Variants in DPH7 observed in about 807,000 individuals in gnomAD.
The protein encoded by DPH7 is diphthine methyltransferase.
A neutral mutation model predicts 41.7 loss-of-function variants in DPH7; 44 were observed. The observed-to-expected ratio is 1.05, with a 90% CI of 0.83 to 1.36. The LOEUF (loss-of-function observed/expected upper bound fraction) is 1.36, where lower values mean the gene tolerates loss of function less well. Among genes scored for constraint, DPH7 ranks in the 40% most tolerant of loss-of-function variants. The pLI is 0.00. For synonymous variants in DPH7, 275 were observed against 238.0 expected, an observed-to-expected ratio of 1.16 and a Z score of -1.43; for missense variants, 629 against 577.5, an observed-to-expected ratio of 1.09 and a Z score of -0.91.
chr9:137,564,683 G>A, intron 7 of DPH7, 77 bp from the exon 8 acceptor site: 2 of 1,553,812 alleles, frequency 1.3e-6, no homozygotes, highest in East Asian at 4.5e-5. Flanking sequence ...GGGGGGCACA[G>A]AACGTCTCCC....
Position 137,577,242 on chromosome 9 carries a change from G to A in DPH7, c.287+228C>T, listed in dbSNP as rs76596233. Among the ~76,000 whole-genome samples, 338 of 152,142 alleles carry A rather than the reference G, an allele frequency of 2.2e-3. 5 individuals are homozygous for A. The highest frequency in any genetic ancestry group is 7.5e-3 in the East Asian group (39 of 5,180). ...ACAACTGTGTTCTCAAACAAAAGAC[G>A]CCCCAGGTTATGAAGTCAGAAAACT... On this transcript the variant is annotated intron_variant, in intron 2 of 8. Coordinates refer to ENST00000277540, the MANE Select transcript of DPH7 (RefSeq NM_138778.5).
chr9:137,575,016 C>T, intron 3 of DPH7, 173 bp from the exon 4 acceptor site: 1 of 1,413,148 alleles, frequency 7.1e-7, no homozygotes, highest in Non-Finnish European at 9.2e-7. Context: ...GCTAGGGGCC[C>T]CGAGAAGACC....
intron 3 of DPH7, chr9:137,575,708 C>G (rs914773257): frequency 2.8e-6 from 3 of 1,058,250 alleles, no homozygotes; most frequent in Admixed American, 4.7e-5. Context: ...ACAGGACTCA[C>G]GTGCTTTTCC....
Position 137,555,209 on chromosome 9 carries a change from C to T in DPH7, c.*30G>A. 2 of 1,559,020 alleles carry T rather than the reference C, an allele frequency of 1.3e-6. No homozygotes were observed. Reference sequence around the variant, plus strand: ...CACTCGCAGTCTCCCTCCTGGTTTCCTTGTGGGAAGGGGCTTCATGATTTC... The same window carrying T: ...CACTCGCAGTCTCCCTCCTGGTTTCTTTGTGGGAAGGGGCTTCATGATTTC... On this transcript the variant is annotated 3_prime_UTR_variant, in exon 9 of 9. Coordinates refer to ENST00000277540, the MANE Select transcript of DPH7 (RefSeq NM_138778.5).
chr9:137,577,560 A>C lies in DPH7; in HGVS notation c.197T>G (p.Leu66Arg). 6 of 1,614,078 alleles carry C rather than the reference A, an allele frequency of 3.7e-6. No homozygotes were observed. The highest frequency in any genetic ancestry group is 4.2e-6 in the Non-Finnish European group (5 of 1,179,994). ...GTTGTCATTGAAACTGTACAGGAAGAGACGGCCTAAACGGACCTGAGGCTC... is the reference window on the plus strand; with the variant it reads ...GTTGTCATTGAAACTGTACAGGAAGCGACGGCCTAAACGGACCTGAGGCTC... ...VKEPQVRLGR[L>R]FLYSFNDNNS... is the part of the protein sequence containing the mutation. Residue 66 changes from leucine (L) to arginine (R), a missense_variant, in exon 2 of 9, where the codon CTC (leucine) becomes CGC (arginine). Transcript: ENST00000277540.
At chr9:137,577,819 C>A (rs1033596442) in intron 1 of DPH7, among the ~76,000 whole-genome samples, 1 of 152,198 alleles carries the variant, frequency 6.6e-6, no homozygotes, top group Non-Finnish European at 1.5e-5. Context: ...TCTAAACCGG[C>A]CAACAGGGAC....
chr9:137,559,528 T>G (rs1344436609), intron 8 of DPH7, among the ~76,000 whole-genome samples: 1 of 152,246 alleles, frequency 6.6e-6, no homozygotes, highest in African/African-American at 2.4e-5. Context: ...CTCCCCGTGA[T>G]GCTGTGCTTC....
In DPH7 at chr9:137,555,262, G is replaced by A. The variant is rs745920537; in HGVS notation, c.1336C>T (p.Leu446Phe). The change falls in exon 9 of 9, where the codon CTC becomes TTC. Residue 446 changes from leucine (L) to phenylalanine (F), a missense_variant. Physicochemically the swap from Leu to Phe is conservative, Grantham distance 22. Transcript: ENST00000277540. ...GCTCAGTTCCCCTCCCACTCCCAGA[G>A]GTGGAGCGCATGGTCATAGAAGGAG... ...TCSFYDHALH[L>F]WEWEGN The A allele has an allele frequency of 1.2e-6, 2 of 1,606,950 alleles. No homozygotes were observed. Among genetic ancestry groups the A allele is most frequent in the South Asian group, 1.1e-5 (1 of 90,362 alleles).
At chr9:137,570,681 A>G (rs987722442) in intron 5 of DPH7, among the ~76,000 whole-genome samples, 1 of 152,132 alleles carries the variant, frequency 6.6e-6, no homozygotes, top group African/African-American at 2.4e-5. Context: ...GCCCTGGCCC[A>G]TTACCTCTGA....
At chr9:137,572,667 A>C (rs546770053) in intron 5 of DPH7, among the ~76,000 whole-genome samples, 166 of 152,258 alleles carry the variant, frequency 1.1e-3, no homozygotes, top group Middle Eastern at 3.4e-3. Context: ...GCCATGAGTT[A>C]TCTCTACCTG....
rs1389516465 is a variant in DPH7, at chr9:137,578,650, T to G, written c.128A>C (p.Asp43Ala). The change falls in exon 1 of 9, where the codon GAC becomes GCC. Residue 43 changes from aspartate (D) to alanine (A), a missense_variant. Asp to Ala is a moderately radical substitution (Grantham distance 126). Transcript: ENST00000277540. Reference sequence around the variant, plus strand: ...CTTGTTCTGGGGGCCGGCAGGCCGGTCCTCCGGCCGCCGCAGCTGGTAGGT... The same window carrying G: ...CTTGTTCTGGGGGCCGGCAGGCCGGGCCTCCGGCCGCCGCAGCTGGTAGGT... ...CGTYQLRRPE[D>A]RPAGPQNKGG... 13 of 1,491,300 alleles carry G rather than the reference T, an allele frequency of 8.7e-6. No homozygotes were observed. Among genetic ancestry groups the G allele is most frequent in the Non-Finnish European group, 1.1e-5 (12 of 1,122,082 alleles). The allele number at this position is 1,491,300 out of a possible 1,614,324, so 92.4% of individuals were successfully genotyped here. A position where few individuals can be genotyped will look rare whatever the true frequency, so the allele number is the denominator to read the frequency against.
chr9:137,571,674 A>G (rs1021003307), intron 5 of DPH7, among the ~76,000 whole-genome samples: 1 of 151,830 alleles, frequency 6.6e-6, no homozygotes, highest in Non-Finnish European at 1.5e-5. Context: ...TATAATCCCA[A>G]TTACTCAGGA....
At chr9:137,571,626 A>G (rs1360026310) in intron 5 of DPH7, among the ~76,000 whole-genome samples, 1 of 152,006 alleles carries the variant, frequency 6.6e-6, no homozygotes, top group African/African-American at 2.4e-5. Flanking sequence ...CATCTCTACT[A>G]AAAATACAAA....
intron 5 of DPH7, among the ~76,000 whole-genome samples, chr9:137,568,600 T>C (rs1297855890): frequency 3.3e-5 from 5 of 150,808 alleles, no homozygotes; most frequent in African/African-American, 4.9e-5. Flanking sequence ...TGTGAGGAAG[T>C]TCCCCTGGTG....
At chr9:137,577,645 C>T (rs781162332) in intron 1 of DPH7, 42 bp from the exon 2 acceptor site, 14 of 1,599,048 alleles carry the variant, frequency 8.8e-6, no homozygotes, top group South Asian at 7.8e-5. Context: ...TCCCAAGACA[C>T]GAAGGAACCC....
intron 8 of DPH7, 128 bp from the exon 9 acceptor site, chr9:137,555,776 G>A (rs770946281): frequency 6.6e-5 from 71 of 1,083,228 alleles, no homozygotes; most frequent in Non-Finnish European, 8.3e-5. Context: ...CTGAGGAGCC[G>A]TTGTGTCATG....
chr9:137,570,663 G>A (rs186263718), intron 5 of DPH7, among the ~76,000 whole-genome samples: 4 of 152,128 alleles, frequency 2.6e-5, no homozygotes, highest in East Asian at 1.9e-4. Context: ...GAGCCTGCAC[G>A]GCCCTGTGCC....
At chr9:137,569,437 T>G (rs941221426) in intron 5 of DPH7, among the ~76,000 whole-genome samples, 9 of 108,410 alleles carry the variant, frequency 8.3e-5, no homozygotes, top group Non-Finnish European at 1.1e-4. Context: ...CATCCATCCA[T>G]CCAGCCAGCC....
At chr9:137,577,836 T>C (rs1000395484) in intron 1 of DPH7, among the ~76,000 whole-genome samples, 3 of 152,230 alleles carry the variant, frequency 2.0e-5, no homozygotes, top group African/African-American at 7.2e-5. Flanking sequence ...GGACCAGCTA[T>C]GGCTAGGGTA....
Sources: allele counts gnomAD v4.1 joint callset (sites outside exome capture counted in the v4.1 genomes callset), GRCh38; gene constraint gnomAD v4.1.1; transcripts MANE v1.5; gene names NCBI Gene and HGNC (gene_info 2026-07-23, HGNC 2026-07-21).